The following CAMSAP2 variants were observed in gnomAD, a reference collection of about 807,000 sequenced individuals.
The protein encoded by CAMSAP2 is calmodulin regulated spectrin associated protein family member 2.
Under a neutral mutation model 146.1 loss-of-function variants are expected in CAMSAP2, and 26 were observed. The ratio of observed to expected loss-of-function variants is 0.18; its 90% CI spans 0.13 to 0.25. CAMSAP2 has a LOEUF of 0.25. Ranked by LOEUF, CAMSAP2 falls within the 10% of genes least tolerant of loss-of-function variation. The pLI is 1.00. For missense variants in CAMSAP2, 1,381 were observed against 1,759.3 expected, an observed-to-expected ratio of 0.78 and a Z score of 3.85; for synonymous variants, 499 against 596.6, an observed-to-expected ratio of 0.84 and a Z score of 2.38.
chr1:200,852,468 T>G, intron 11 of CAMSAP2, 73 bp from the exon 12 acceptor site: 1 of 1,526,356 alleles, frequency 6.6e-7, no homozygotes, highest in East Asian at 2.3e-5. Context: ...CCACAAAATG[T>G]GACTACAACA....
intron 2 of CAMSAP2, among the ~76,000 whole-genome samples, chr1:200,766,675 T>C (rs188158423): frequency 1.2e-4 from 18 of 152,326 alleles, no homozygotes; most frequent in Admixed American, 8.5e-4. Flanking sequence ...TTTTTTCTTA[T>C]TTTACTTCTC....
At chr1:200,823,260 T>C (rs1666821067) in intron 4 of CAMSAP2, among the ~76,000 whole-genome samples, 1 of 152,228 alleles carries the variant, frequency 6.6e-6, no homozygotes. Context: ...GGATATGTAA[T>C]GGGTTATAAT....
intron 1 of CAMSAP2, among the ~76,000 whole-genome samples, chr1:200,746,458 G>A (rs192513010): frequency 6.6e-6 from 1 of 152,148 alleles, no homozygotes. Flanking sequence ...GTTTAAGAGC[G>A]GGTTGGGGGG....
chr1:200,796,308 A>G (rs528025131), intron 2 of CAMSAP2, among the ~76,000 whole-genome samples: 110 of 152,314 alleles, frequency 7.2e-4, no homozygotes, highest in Non-Finnish European at 1.3e-3. Context: ...GGGCTTATTT[A>G]TGGACTCTGT....
At chr1:200,797,257 C>T (rs1256892359) in intron 2 of CAMSAP2, among the ~76,000 whole-genome samples, 2 of 150,632 alleles carry the variant, frequency 1.3e-5, no homozygotes, top group African/African-American at 2.4e-5. Context: ...CTGACTTCCA[C>T]AATGGTTGAA....
rs1667507399 is a variant in CAMSAP2 at position 200,848,058 on chromosome 1, A to G, written c.1289A>G (p.Asp430Gly). 6.4e-7 allele frequency: 1 copy of G among 1,553,028 alleles called. No homozygotes were observed. The highest frequency in any genetic ancestry group is 1.2e-5 in the South Asian group (1 of 80,572). The change falls in exon 11 of 17, where the codon GAT (aspartate) becomes GGT (glycine). Residue 430 changes from aspartate (D) to glycine (G), a missense_variant. Transcript: ENST00000358823. ...TCATCAGTGCATGGCGTATCATTTG[A>G]TATTTCTTTTGATAAAGAAGATAGT... ...KRSSVHGVSF[D>G]ISFDKEDSVQ...
At chr1:200,765,459 G>C (rs1450221577) in intron 2 of CAMSAP2, among the ~76,000 whole-genome samples, 1 of 152,024 alleles carries the variant, frequency 6.6e-6, no homozygotes, top group Non-Finnish European at 1.5e-5. Context: ...TCGAGCTCCT[G>C]ACCTTGTGAT....
chr1:200,833,454 G>A (rs529006269), intron 6 of CAMSAP2, among the ~76,000 whole-genome samples: 1 of 152,042 alleles, frequency 6.6e-6, no homozygotes, highest in South Asian at 2.1e-4. Flanking sequence ...CCAGCTACTC[G>A]AAGGCTGAGG....
intron 2 of CAMSAP2, among the ~76,000 whole-genome samples, chr1:200,805,395 G>A (rs994918018): frequency 2.6e-5 from 4 of 152,096 alleles, no homozygotes; most frequent in Non-Finnish European, 5.9e-5. Context: ...CAGATACCAC[G>A]TTAGATGTAG....
At chr1:200,778,016 TC>T (rs1381687384) in intron 2 of CAMSAP2, among the ~76,000 whole-genome samples, 2 of 152,142 alleles carry the variant, frequency 1.3e-5, no homozygotes, top group Non-Finnish European at 2.9e-5. Flanking sequence ...GGCCAGAGGA[TC>T]ACTTGAGCTC....
rs1292731659 is a variant in CAMSAP2, at chr1:200,857,146, G to A, written c.4013-160G>A. ...CATATCTCTGGGTGGATAAAACAAT[G>A]TTTTGGTTGGATTGCAGCCAGTAAG... is the stretch of plus-strand genomic sequence containing the variant. On this transcript the variant is annotated intron_variant, in intron 15 of 16. Coordinates refer to ENST00000358823, the MANE Select transcript of CAMSAP2 (RefSeq NM_203459.4). The surrounding 1 kb of genome is among the most constrained non-coding windows in gnomAD (Gnocchi z 4.7). Among the ~76,000 whole-genome samples, 2 of 152,136 alleles carry A rather than the reference G, an allele frequency of 1.3e-5. No homozygotes were observed. Among genetic ancestry groups the A allele is most frequent in the Admixed American group, 6.5e-5 (1 of 15,276 alleles).
At position 200,738,934 on chromosome 1, in the gene CAMSAP2, A is replaced by G. The variant is rs1457797613; in HGVS notation, c.-894A>G. On this transcript the variant is annotated 5_prime_UTR_variant, in exon 1 of 17. Coordinates refer to ENST00000358823, the MANE Select transcript of CAMSAP2 (RefSeq NM_203459.4). ...CCTTCATCCAGTGCCGCAGCCGGAA[A>G]ACCGCAGCGGCGGCGGCGGCGGCTG... is the stretch of plus-strand genomic sequence containing the variant. Among the ~76,000 whole-genome samples, 2 of 134,562 alleles carry G rather than the reference A, an allele frequency of 1.5e-5. No homozygotes were observed. The highest frequency in any genetic ancestry group is 5.7e-5 in the African/African-American group (2 of 35,356). 88.3% of individuals were successfully genotyped at this position (134,562 alleles called of 152,430 possible). A position where few individuals can be genotyped will look rare whatever the true frequency, so the allele number is the denominator to read the frequency against.
At chr1:200,855,006 A>T (rs993613228) in intron 14 of CAMSAP2, 117 bp downstream of exon 14, 2 of 690,922 alleles carry the variant, frequency 2.9e-6, no homozygotes, top group Non-Finnish European at 4.6e-6. Context: ...AATCATAATC[A>T]CAAATTTTAC....
At chr1:200,802,746 A>G (rs1558183839) in intron 2 of CAMSAP2, among the ~76,000 whole-genome samples, 4 of 152,140 alleles carry the variant, frequency 2.6e-5, no homozygotes, top group Admixed American at 2.0e-4. Context: ...TAGATCTTTT[A>G]TCTTAATTTA....
intron 2 of CAMSAP2, among the ~76,000 whole-genome samples, chr1:200,797,487 TC>T (rs1355888105): frequency 9.7e-5 from 13 of 133,460 alleles, no homozygotes; most frequent in Non-Finnish European, 1.6e-4. Context: ...AAGTGTCTGT[TC>T]ATGTCCTTCG....
chr1:200,793,611 C>T (rs776119704), intron 2 of CAMSAP2, among the ~76,000 whole-genome samples: 3 of 152,056 alleles, frequency 2.0e-5, no homozygotes, highest in Non-Finnish European at 4.4e-5. Context: ...GCTTAAAACA[C>T]TTGTATCCTG....
intron 4 of CAMSAP2, among the ~76,000 whole-genome samples, chr1:200,823,621 G>A (rs776309409): frequency 6.6e-5 from 10 of 152,166 alleles, no homozygotes; most frequent in Non-Finnish European, 1.5e-4. Flanking sequence ...ATCATATATT[G>A]TATCACGGGG....
chr1:200,805,055 A>G (rs1019306837), intron 2 of CAMSAP2, among the ~76,000 whole-genome samples: 3 of 152,160 alleles, frequency 2.0e-5, no homozygotes, highest in Non-Finnish European at 2.9e-5. Flanking sequence ...TTTTTTATCT[A>G]TTGTCTCCAG....
At chr1:200,807,173 A>G (rs1157062104) in intron 2 of CAMSAP2, among the ~76,000 whole-genome samples, 1 of 152,148 alleles carries the variant, frequency 6.6e-6, no homozygotes, top group East Asian at 1.9e-4. Flanking sequence ...TTAAATATAG[A>G]TCCTCAATAA....
Sources: gnomAD v4.1 joint callset for allele counts (sites outside exome capture counted in the v4.1 genomes callset) on GRCh38, gnomAD v4.1.1 for gene constraint, Gnocchi (gnomAD v3.1) non-coding constraint, MANE v1.5 for transcripts, NCBI Gene and HGNC (gene_info 2026-07-23, HGNC 2026-07-21) for gene names.